GALNT10: variants seen among roughly 807,000 people sequenced by gnomAD.
GALNT10 encodes GalNAc transferase 10.
GALNT10 carries 41 observed loss-of-function variants against 75.0 expected under a neutral mutation model. That is an observed-to-expected ratio of 0.55 (90% CI 0.43 to 0.71). The LOEUF (loss-of-function observed/expected upper bound fraction) is 0.71. Among genes scored for constraint, GALNT10 ranks in the 30% least tolerant of loss-of-function variants. The pLI, the probability that GALNT10 is intolerant of heterozygous loss-of-function variation, is 0.00. For missense variants in GALNT10, 727 were observed against 818.5 expected, an observed-to-expected ratio of 0.89 and a Z score of 1.36; for synonymous variants, 302 against 313.0, an observed-to-expected ratio of 0.96 and a Z score of 0.37.
chr5:154,398,281 G>A (rs1450695138), intron 7 of GALNT10, among the ~76,000 whole-genome samples: 1 of 152,182 alleles, frequency 6.6e-6, no homozygotes, highest in Non-Finnish European at 1.5e-5. Context: ...GGACAGGGCA[G>A]GGAGAAAGCT....
intron 1 of GALNT10, among the ~76,000 whole-genome samples, chr5:154,222,919 C>T (rs1753006105): frequency 6.6e-6 from 1 of 152,236 alleles, no homozygotes; most frequent in South Asian, 2.1e-4. Context: ...AATAAGGTAT[C>T]AGTATCATCT....
rs780474792 is a variant in GALNT10 at position 154,409,714 on chromosome 5, G to A, written c.1338G>A (p.Leu446=). 2 of 1,614,160 alleles carry A rather than the reference G, an allele frequency of 1.2e-6. No homozygotes were observed. The highest frequency in any genetic ancestry group is 8.5e-7 in the Non-Finnish European group (1 of 1,180,016). Residue 446 remains leucine (L), a synonymous_variant, in exon 9 of 12, where the codon CTG becomes CTA. Coordinates refer to ENST00000297107, the MANE Select transcript of GALNT10 (RefSeq NM_198321.4). This position sits in a 1 kb window ranked among gnomAD's most constrained non-coding sequence, Gnocchi z 4.5. ...TTATGACGAAGATAGCCTGGGACCT[G>A]CCCAAATTCTACCCACCCGTGGAGC... ...KWFMTKIAWD[L]PKFYPPVEPP...
chr5:154,262,989 A>G (rs1753723336), intron 1 of GALNT10, among the ~76,000 whole-genome samples: 1 of 152,200 alleles, frequency 6.6e-6, no homozygotes. Flanking sequence ...ATTTAGAGAC[A>G]GACAATAACA....
chr5:154,301,023 A>G (rs1754349006), intron 3 of GALNT10, among the ~76,000 whole-genome samples: 2 of 152,222 alleles, frequency 1.3e-5, no homozygotes, highest in African/African-American at 4.8e-5. Context: ...AAGTGGAGCC[A>G]GGATGAGGAC....
chr5:154,205,557 C>T (rs538418655), intron 1 of GALNT10, among the ~76,000 whole-genome samples: 1 of 152,264 alleles, frequency 6.6e-6, no homozygotes, highest in Non-Finnish European at 1.5e-5. Context: ...TGAATCATGT[C>T]TCTCAAAAAG....
chr5:154,395,411 G>C (rs1210285672), intron 7 of GALNT10, among the ~76,000 whole-genome samples: 1 of 152,228 alleles, frequency 6.6e-6, no homozygotes, highest in East Asian at 1.9e-4. Context: ...TTAGGGGATG[G>C]AATAATCTTT....
At chr5:154,222,952 G>T (rs1753006391) in intron 1 of GALNT10, among the ~76,000 whole-genome samples, 1 of 152,128 alleles carries the variant, frequency 6.6e-6, no homozygotes, top group Non-Finnish European at 1.5e-5. Flanking sequence ...AGCATATGGG[G>T]TTTCCAGGGA....
chr5:154,223,906 C>T (rs927362794), intron 1 of GALNT10, among the ~76,000 whole-genome samples: 11 of 144,884 alleles, frequency 7.6e-5, no homozygotes, highest in Admixed American at 1.5e-4. Flanking sequence ...GGTGACAGAG[C>T]AAGACCCTGT....
chr5:154,394,874 A>C (rs1420512450), intron 7 of GALNT10, among the ~76,000 whole-genome samples: 1 of 152,218 alleles, frequency 6.6e-6, no homozygotes, highest in Admixed American at 6.5e-5. Flanking sequence ...TGATGGAAAT[A>C]TGCTCTGATA....
intron 2 of GALNT10, among the ~76,000 whole-genome samples, chr5:154,297,622 G>A (rs1754299986): frequency 1.3e-5 from 2 of 152,184 alleles, no homozygotes; most frequent in Non-Finnish European, 2.9e-5. Flanking sequence ...TCCTGACGGA[G>A]TGAGGGGAGC....
At chr5:154,198,889 T>A (rs750888713) in intron 1 of GALNT10, among the ~76,000 whole-genome samples, 26 of 152,216 alleles carry the variant, frequency 1.7e-4, no homozygotes, top group Non-Finnish European at 3.2e-4. Flanking sequence ...CCTGACTAAC[T>A]CCTGCCAGGG....
intron 3 of GALNT10, among the ~76,000 whole-genome samples, chr5:154,301,312 T>TGGACACTCA (rs1754353662): frequency 6.6e-6 from 1 of 152,206 alleles, no homozygotes; most frequent in African/African-American, 2.4e-5. Flanking sequence ...TTGAATCCCA[T>TGGACACTCA]GGACACTCAT....
At chr5:154,393,591 G>T (rs1476067586) in intron 7 of GALNT10, among the ~76,000 whole-genome samples, 1 of 152,196 alleles carries the variant, frequency 6.6e-6, no homozygotes, top group Non-Finnish European at 1.5e-5. Context: ...CTCACATTTT[G>T]GGAGGTCGAG....
intron 7 of GALNT10, among the ~76,000 whole-genome samples, chr5:154,393,895 C>T (rs571066400): frequency 6.6e-6 from 1 of 152,180 alleles, no homozygotes; most frequent in South Asian, 2.1e-4. Context: ...ACTTCCAGCC[C>T]ACCCCCATCC....
intron 6 of GALNT10, among the ~76,000 whole-genome samples, chr5:154,382,019 C>T (rs1755742202): frequency 6.6e-6 from 1 of 152,268 alleles, no homozygotes; most frequent in South Asian, 2.1e-4. Flanking sequence ...GATTCAGACA[C>T]TGCCATAACT....
At chr5:154,292,070 A>C (rs955553936) in intron 1 of GALNT10, among the ~76,000 whole-genome samples, 3 of 152,236 alleles carry the variant, frequency 2.0e-5, no homozygotes, top group African/African-American at 7.2e-5. Flanking sequence ...GCACCTTGAA[A>C]GCCACCAGGT....
At chr5:154,286,940 A>G (rs1246831602) in intron 1 of GALNT10, among the ~76,000 whole-genome samples, 1 of 152,222 alleles carries the variant, frequency 6.6e-6, no homozygotes, top group Non-Finnish European at 1.5e-5. Flanking sequence ...TCCTGGTTAT[A>G]GTGAAAGTTA....
At chr5:154,371,136 C>T (rs774642195) in intron 4 of GALNT10, among the ~76,000 whole-genome samples, 9 of 152,176 alleles carry the variant, frequency 5.9e-5, no homozygotes, top group Non-Finnish European at 8.8e-5. Flanking sequence ...GTATTGCTGG[C>T]AAGCCTTGGC....
rs200390564 is a variant in GALNT10, at chr5:154,376,395, T to A, written c.687T>A (p.Thr229=). ...RTRMLGASVA[T]GDVITFLDSH... ...GAATGCTGGGGGCCTCAGTGGCAAC[T>A]GGGGATGTCATCACATTCTTGGATT... The change falls in exon 5 of 12, where the codon ACT becomes ACA. Residue 229 remains threonine (T), a synonymous_variant. Coordinates refer to ENST00000297107, the MANE Select transcript of GALNT10 (RefSeq NM_198321.4). The surrounding 1 kb of genome is among the most constrained non-coding windows in gnomAD (Gnocchi z 4.1). The A allele has an allele frequency of 6.2e-7, 1 of 1,606,584 alleles. No homozygotes were observed. Among genetic ancestry groups the A allele is most frequent in the African/African-American group, 1.3e-5 (1 of 74,580 alleles).
Sources: gnomAD v4.1 joint callset for allele counts (sites outside exome capture counted in the v4.1 genomes callset) on GRCh38, gnomAD v4.1.1 for gene constraint, Gnocchi (gnomAD v3.1) non-coding constraint, MANE v1.5 for transcripts, NCBI Gene and HGNC (gene_info 2026-07-23, HGNC 2026-07-21) for gene names.